The following AMOT variants were observed in gnomAD, a reference collection of about 807,000 sequenced individuals.
AMOT encodes angiomotin.
In AMOT, 11 loss-of-function variants were observed where a neutral mutation model predicts 67.0. That is an observed-to-expected ratio of 0.16 (90% CI 0.10 to 0.27). The LOEUF (loss-of-function observed/expected upper bound fraction) is 0.27. Among genes scored for constraint, AMOT ranks in the 10% least tolerant of loss-of-function variants. AMOT has a pLI of 1.00. For synonymous variants in AMOT, 326 were observed against 321.4 expected, an observed-to-expected ratio of 1.01 and a Z score of -0.15; for missense variants, 753 against 852.0, an observed-to-expected ratio of 0.88 and a Z score of 1.45.
chrX:112,800,325 T>C (rs1024313658), intron 8 of AMOT, among the ~76,000 whole-genome samples: 5 of 111,586 alleles, frequency 4.5e-5, no homozygotes, highest in Non-Finnish European at 9.4e-5. Flanking sequence ...CTGAGATAAA[T>C]ATGGAGAATG....
chrX:112,787,375 T>C (rs1311590825), intron 10 of AMOT, among the ~76,000 whole-genome samples: 2 of 111,849 alleles, frequency 1.8e-5, no homozygotes, highest in Non-Finnish European at 3.8e-5. Flanking sequence ...CTTGAATGGG[T>C]TTCAAAATCA....
At chrX:112,778,698 G>A (rs759998627) in intron 13 of AMOT, 34 bp from the exon 14 acceptor site, 2 of 1,122,360 alleles carry the variant, frequency 1.8e-6, no homozygotes, top group Non-Finnish European at 2.4e-6. Flanking sequence ...AACACTTAGG[G>A]ATGAAGAAAA....
intron 10 of AMOT, among the ~76,000 whole-genome samples, chrX:112,790,061 C>A (rs1485375088): frequency 2.9e-5 from 3 of 102,519 alleles, no homozygotes; most frequent in Non-Finnish European, 5.9e-5. Context: ...TGACCGCTCA[C>A]GCACGATGAG....
chrX:112,814,491 C>T (rs1249100917), intron 5 of AMOT, among the ~76,000 whole-genome samples: 2 of 108,112 alleles, frequency 1.8e-5, no homozygotes, highest in Non-Finnish European at 3.8e-5. Flanking sequence ...CTGAACAGTT[C>T]ACATTGTAGG....
chrX:112,808,184 C>A (rs1985403373), intron 7 of AMOT, among the ~76,000 whole-genome samples: 1 of 112,130 alleles, frequency 8.9e-6, no homozygotes, highest in South Asian at 3.7e-4. Flanking sequence ...AGGTATTGTA[C>A]TAGCTTAATC....
intron 8 of AMOT, among the ~76,000 whole-genome samples, chrX:112,795,513 C>A (rs1933780930): frequency 9.0e-6 from 1 of 111,400 alleles, no homozygotes; most frequent in Non-Finnish European, 1.9e-5. Context: ...CCAGCCATGT[C>A]CATTGATTTT....
At chrX:112,828,647 G>A (rs777564495) in intron 2 of AMOT, among the ~76,000 whole-genome samples, 66 of 110,776 alleles carry the variant, frequency 6.0e-4, no homozygotes, top group Middle Eastern at 4.7e-3. Context: ...TGGAAAGGGA[G>A]ACCACCTAGT....
chrX:112,837,622 GGCCA>G (rs746035008), intron 1 of AMOT, among the ~76,000 whole-genome samples: 1,325 of 110,675 alleles, frequency 0.012, 14 homozygotes, highest in Admixed American at 0.022. Context: ...AATGCAGTAT[GGCCA>G]GCCTGTTTAA....
intron 2 of AMOT, among the ~76,000 whole-genome samples, chrX:112,826,637 C>T (rs60179167): frequency 0.038 from 4,201 of 111,722 alleles, 187 homozygotes; most frequent in African/African-American, 0.13. Flanking sequence ...GAACAAAACA[C>T]TCATCCTTTT....
At chrX:112,807,596 G>A (rs963374627) in intron 7 of AMOT, among the ~76,000 whole-genome samples, 2 of 110,610 alleles carry the variant, frequency 1.8e-5, no homozygotes, top group African/African-American at 6.6e-5. Context: ...TAAGCAGAAA[G>A]AAAGACATGT....
intron 1 of AMOT, among the ~76,000 whole-genome samples, chrX:112,837,015 C>T (rs1284996843): frequency 9.0e-6 from 1 of 111,334 alleles, no homozygotes; most frequent in Non-Finnish European, 1.9e-5. Flanking sequence ...AAAGTGGCAT[C>T]AGTCGCCATT....
At chrX:112,821,363 C>T (rs552938172) in intron 4 of AMOT, among the ~76,000 whole-genome samples, 2 of 111,491 alleles carry the variant, frequency 1.8e-5, no homozygotes, top group Admixed American at 1.9e-4. Context: ...ACCTTTTCTC[C>T]TGCCCTATAT....
At chrX:112,833,483 G>T (rs544808413) in intron 1 of AMOT, among the ~76,000 whole-genome samples, 1 of 101,131 alleles carries the variant, frequency 9.9e-6, no homozygotes, top group African/African-American at 3.9e-5. Context: ...AGTAAAGGGG[G>T]GGGGGGGGTC....
intron 5 of AMOT, among the ~76,000 whole-genome samples, chrX:112,813,391 G>A (rs752325478): frequency 9.0e-6 from 1 of 111,068 alleles, no homozygotes; most frequent in East Asian, 2.8e-4. Context: ...TTCCCCTCAT[G>A]AGCCTCAGGC....
At position 112,809,956 on chromosome X, in the gene AMOT, G is replaced by C; in HGVS notation, c.1568C>G (p.Ala523Gly). The C allele has an allele frequency of 8.3e-7, 1 of 1,210,898 alleles. No homozygotes were observed. The highest frequency in any genetic ancestry group is 1.8e-5 in the South Asian group (1 of 56,945). Reference protein sequence around the residue: ...ERLETANKQLAEKEYEGSEDT... With the variant: ...ERLETANKQLGEKEYEGSEDT... ...CTCTGACCCCTCATATTCCTTCTCT[G>C]CAAGCTGCTTGTTGGCAGTCTCTAG... The change falls in exon 7 of 14, where the codon GCA (alanine) becomes GGA (glycine). Residue 523 changes from alanine to glycine, a missense_variant. By Grantham distance (60) the Ala-to-Gly change is moderately conservative. This residue lies in a region of AMOT where 297 missense variants were observed against 284.3 expected (regional missense o/e 1.04). Transcript: ENST00000371959.
chrX:112,824,006 C>A lies in AMOT; in HGVS notation c.-62-818G>T, dbSNP rs182591380. ...AGATCATCCTTCTGGAAAGGGTATA[C>A]GATTAGCATATCCCCTCCCTCACCA... On this transcript the variant is annotated intron_variant, in intron 3 of 13. Transcript: ENST00000371959. Among the ~76,000 whole-genome samples the A allele has an allele frequency of 5.6e-4, 63 of 112,123 alleles. 2 individuals are homozygous for A. Among genetic ancestry groups the A allele is most frequent in the Admixed American group, 5.4e-3 (57 of 10,614 alleles).
chrX:112,782,423 A>C, intron 11 of AMOT, 117 bp downstream of exon 11: 1 of 980,167 alleles, frequency 1.0e-6, no homozygotes, highest in Non-Finnish European at 1.4e-6. Context: ...ACAGGCTGGC[A>C]GGGGTGATGG....
At chrX:112,807,626 C>T (rs1217809921) in intron 7 of AMOT, among the ~76,000 whole-genome samples, 1 of 111,327 alleles carries the variant, frequency 9.0e-6, no homozygotes, top group African/African-American at 3.3e-5. Context: ...ATCAACAATG[C>T]TAGATGGTAA....
In AMOT at chrX:112,777,170, A is replaced by G. The variant is rs766948764; in HGVS notation, c.*1397T>C. The G allele has an allele frequency of 1.9e-5, 2 of 105,380 alleles. No homozygotes were observed. The highest frequency in any genetic ancestry group is 6.1e-4 in the East Asian group (2 of 3,262). 8.7% of individuals were successfully genotyped at this position (105,380 alleles called of 1,213,427 possible). A position where few individuals can be genotyped will look rare whatever the true frequency, so the allele number is the denominator to read the frequency against. The stretch of plus-strand genomic sequence containing the variant: ...CCCCCACTTCCCTCACCCTCCCTAT[A>G]CCCCTTAAAACTGATCTTAATGATG... On this transcript the variant is annotated 3_prime_UTR_variant, in exon 14 of 14. Coordinates refer to ENST00000371959, the MANE Select transcript of AMOT (RefSeq NM_001113490.2).
Sources: gnomAD v4.1 joint callset for allele counts (sites outside exome capture counted in the v4.1 genomes callset) on GRCh38, gnomAD v4.1.1 for gene constraint, gnomAD v4.1.1 regional missense constraint, MANE v1.5 for transcripts, NCBI Gene and HGNC (gene_info 2026-07-23, HGNC 2026-07-21) for gene names.